The following TOX2 variants were observed in gnomAD, a reference collection of about 807,000 sequenced individuals.
The protein encoded by TOX2 is granulosa cell HMG box 1.
Under a neutral mutation model 47.4 loss-of-function variants are expected in TOX2, and 15 were observed. The ratio of observed to expected loss-of-function variants is 0.32; its 90% CI spans 0.21 to 0.49. The LOEUF (loss-of-function observed/expected upper bound fraction) is 0.49, where lower values mean the gene tolerates loss of function less well. TOX2 is among the 20% of genes least tolerant of loss of function. The probability of loss-of-function intolerance (pLI) is 0.99; values close to 1 mark genes in which losing one functional copy is unlikely to be tolerated. For missense variants in TOX2, 622 were observed against 673.1 expected (o/e 0.92, Z 0.84); for synonymous variants, 290 against 296.6 (o/e 0.98, Z 0.23).
At position 43,928,981 on chromosome 20, in the gene TOX2, G is replaced by GAAAAAA. The variant is rs575418660; in HGVS notation, c.99+14004_99+14009dup. On this transcript the variant is annotated intron_variant, in intron 1 of 8. Transcript: ENST00000341197. ...GAAACCCTGTCTCTACTAAAAATAT[G>GAAAAAA]AAAAAAAAAAAAAAAAAACAACAAC... is the stretch of plus-strand genomic sequence containing the variant. Among the ~76,000 whole-genome samples the GAAAAAA allele has an allele frequency of 7.7e-3, 663 of 86,082 alleles. 16 individuals carry two copies. Among genetic ancestry groups the GAAAAAA allele is most frequent in the Middle Eastern group, 0.028 (5 of 176 alleles). The allele number at this position is 86,082 out of a possible 152,430, so 56.5% of individuals were successfully genotyped here. A position where few individuals can be genotyped will look rare whatever the true frequency, so the allele number is the denominator to read the frequency against.
intron 2 of TOX2, among the ~76,000 whole-genome samples, chr20:44,002,253 CATA>C (rs1388509810): frequency 1.6e-4 from 24 of 152,324 alleles, no homozygotes; most frequent in Middle Eastern, 3.4e-3. Flanking sequence ...CCCATAGTAT[CATA>C]ATATTCATGA....
intron 3 of TOX2, among the ~76,000 whole-genome samples, chr20:44,042,026 A>C (rs1179000707): frequency 6.6e-6 from 1 of 152,258 alleles, no homozygotes; most frequent in Non-Finnish European, 1.5e-5. Flanking sequence ...GTCTGTTCTC[A>C]TGCTGCTAAT....
chr20:43,952,555 G>A (rs1057043891), intron 1 of TOX2, among the ~76,000 whole-genome samples: 2 of 152,192 alleles, frequency 1.3e-5, no homozygotes, highest in African/African-American at 4.8e-5. Context: ...AAAGCCTGCA[G>A]ATCTCAAGTT....
intron 1 of TOX2, among the ~76,000 whole-genome samples, chr20:43,946,760 G>A (rs923119476): frequency 1.3e-5 from 2 of 152,150 alleles, no homozygotes; most frequent in Admixed American, 6.5e-5. Context: ...GAAACCTAAC[G>A]TGAAGGGGCC....
intron 1 of TOX2, among the ~76,000 whole-genome samples, chr20:43,957,965 T>G (rs2069695695): frequency 6.6e-6 from 1 of 152,148 alleles, no homozygotes; most frequent in Non-Finnish European, 1.5e-5. Context: ...CAAGATCCAA[T>G]TACCTCACCA....
intron 1 of TOX2, among the ~76,000 whole-genome samples, chr20:43,943,569 G>A (rs996168962): frequency 6.6e-6 from 1 of 152,122 alleles, no homozygotes; most frequent in Non-Finnish European, 1.5e-5. Context: ...GTGAGGACAG[G>A]GGCAGTGTCC....
intron 1 of TOX2, among the ~76,000 whole-genome samples, chr20:43,947,129 C>T (rs139820916): frequency 1.3e-5 from 2 of 152,300 alleles, no homozygotes; most frequent in East Asian, 3.9e-4. Context: ...GCCAGCTGGA[C>T]ACAGAATGTA....
At chr20:43,964,237 C>T (rs965428954) in intron 1 of TOX2, among the ~76,000 whole-genome samples, 8 of 152,124 alleles carry the variant, frequency 5.3e-5, no homozygotes, top group East Asian at 1.9e-4. Flanking sequence ...GTACAGGGCC[C>T]GGGTCAGGCT....
intron 3 of TOX2, among the ~76,000 whole-genome samples, chr20:44,049,796 T>C (rs1248787141): frequency 6.6e-6 from 1 of 152,204 alleles, no homozygotes; most frequent in Non-Finnish European, 1.5e-5. Context: ...TCCAGCTCCA[T>C]CCATGTCCCT....
At chr20:43,926,206 C>T (rs910108293) in intron 1 of TOX2, among the ~76,000 whole-genome samples, 2 of 152,080 alleles carry the variant, frequency 1.3e-5, no homozygotes, top group Non-Finnish European at 2.9e-5. Context: ...GGACCCTGGG[C>T]CCTTTATGTC....
At chr20:43,959,762 T>C (rs568730983) in intron 1 of TOX2, among the ~76,000 whole-genome samples, 187 of 152,238 alleles carry the variant, frequency 1.2e-3, no homozygotes, top group Non-Finnish European at 2.1e-3. Context: ...AGAATCAGTT[T>C]TGGGACTTGT....
In TOX2 at chr20:43,916,378, G is replaced by C. The variant is rs2069055254; in HGVS notation, c.99+1388G>C. Among the ~76,000 whole-genome samples, 1 of 152,238 alleles carries C rather than the reference G, an allele frequency of 6.6e-6. No individual in the cohort carries two copies. Among genetic ancestry groups the C allele is most frequent in the African/African-American group, 2.4e-5 (1 of 41,466 alleles). ...CCTGAGTGCGCCCTCAGGCCCCAGG[G>C]GAGCGGCTTCTGGCAAAGCCTCCCT... On this transcript the variant is annotated intron_variant, in intron 1 of 8. Transcript: ENST00000341197. The surrounding 1 kb of genome is among the most constrained non-coding windows in gnomAD (Gnocchi z 5.0).
intron 5 of TOX2, among the ~76,000 whole-genome samples, chr20:44,060,498 T>C (rs1370292575): frequency 2.6e-5 from 4 of 152,028 alleles, no homozygotes; most frequent in Non-Finnish European, 5.9e-5. Flanking sequence ...GACCATACAA[T>C]AGGCCATAAA....
chr20:43,959,439 G>A (rs6093904), intron 1 of TOX2, among the ~76,000 whole-genome samples: 22,299 of 152,282 alleles, frequency 0.15, 2,039 homozygotes, highest in Admixed American at 0.29. Flanking sequence ...CACTTTGTCT[G>A]TGTTAGGTTT....
intron 8 of TOX2, 69 bp downstream of exon 8, chr20:44,066,926 G>A (rs1251263566): frequency 3.2e-6 from 5 of 1,561,364 alleles, no homozygotes; most frequent in Non-Finnish European, 3.5e-6. Context: ...GGCCAGGGAT[G>A]GGAGAATGGC....
intron 1 of TOX2, among the ~76,000 whole-genome samples, chr20:43,969,577 C>T (rs1302724080): frequency 2.6e-5 from 4 of 152,204 alleles, no homozygotes; most frequent in African/African-American, 9.7e-5. Flanking sequence ...CCTCAGTGTC[C>T]CCCAACTATT....
intron 1 of TOX2, among the ~76,000 whole-genome samples, chr20:43,928,000 C>T (rs1225281767): frequency 6.6e-6 from 1 of 152,132 alleles, no homozygotes; most frequent in East Asian, 1.9e-4. Flanking sequence ...GTGGGACCAC[C>T]AGGCTAGGCT....
chr20:43,968,735 G>A (rs1021801508), intron 1 of TOX2, among the ~76,000 whole-genome samples: 5 of 152,168 alleles, frequency 3.3e-5, no homozygotes, highest in African/African-American at 1.2e-4. Flanking sequence ...GACTGAAGAT[G>A]GCAATGGGAA....
At chr20:44,052,420 A>T (rs959241326) in intron 4 of TOX2, among the ~76,000 whole-genome samples, 10 of 152,266 alleles carry the variant, frequency 6.6e-5, no homozygotes, top group Non-Finnish European at 1.0e-4. Flanking sequence ...ATTAAGACTT[A>T]TCTCCCTCCG....
Sources: allele counts gnomAD v4.1 joint callset (sites outside exome capture counted in the v4.1 genomes callset), GRCh38; gene constraint gnomAD v4.1.1; non-coding constraint Gnocchi (gnomAD v3.1); transcripts MANE v1.5; gene names NCBI Gene and HGNC (gene_info 2026-07-23, HGNC 2026-07-21).